STPG2: variants seen among roughly 807,000 people sequenced by gnomAD.
STPG2 encodes the protein sperm tail PG-rich repeat containing 2, also known as sperm-tail PG-rich repeat-containing protein 2.
In STPG2, 56 loss-of-function variants were observed where a neutral mutation model predicts 54.2. The observed-to-expected ratio is 1.03, with a 90% CI of 0.83 to 1.29. The LOEUF (loss-of-function observed/expected upper bound fraction) is 1.29, where lower values mean the gene tolerates loss of function less well. STPG2 is among the 50% of genes most tolerant of loss of function. The pLI is 0.00. For synonymous variants in STPG2, 200 were observed against 181.8 expected (o/e 1.10, Z -0.81); for missense variants, 596 against 544.9 (o/e 1.09, Z -0.93).
intron 9 of STPG2, among the ~76,000 whole-genome samples, chr4:97,763,819 T>C (rs984524330): frequency 1.3e-5 from 2 of 152,178 alleles, no homozygotes; most frequent in African/African-American, 4.8e-5. Flanking sequence ...ATATTTCTAT[T>C]GATTTTTCTT....
chr4:97,725,861 C>G (rs185633534), intron 9 of STPG2, among the ~76,000 whole-genome samples: 1 of 151,694 alleles, frequency 6.6e-6, no homozygotes, highest in East Asian at 1.9e-4. Context: ...AACTGTAGAA[C>G]ATTAAGAAGT....
At chr4:97,963,001 A>C (rs894010972) in intron 7 of STPG2, among the ~76,000 whole-genome samples, 4 of 152,128 alleles carry the variant, frequency 2.6e-5, no homozygotes, top group African/African-American at 9.7e-5. Context: ...TCTACTAAAA[A>C]TACAAAAATT....
chr4:97,630,742 C>T (rs894552495), intron 10 of STPG2, among the ~76,000 whole-genome samples: 1 of 151,314 alleles, frequency 6.6e-6, no homozygotes, highest in African/African-American at 2.4e-5. Context: ...ACAGAGTGCT[C>T]TATTAAAGGA....
At chr4:97,477,262 T>C (rs1730094658) in intron 4 of STPG2, among the ~76,000 whole-genome samples, 1 of 152,344 alleles carries the variant, frequency 6.6e-6, no homozygotes, top group Middle Eastern at 3.4e-3. Context: ...ATTTGTTCTC[T>C]GACACAGGGG....
At chr4:98,066,392 C>A (rs1737836305) in intron 5 of STPG2, among the ~76,000 whole-genome samples, 1 of 152,034 alleles carries the variant, frequency 6.6e-6, no homozygotes, top group Non-Finnish European at 1.5e-5. Context: ...AGTTTGATAC[C>A]AGCCTGGCCA....
chr4:97,600,735 GA>G (rs1287704817), intron 10 of STPG2, among the ~76,000 whole-genome samples: 1 of 152,086 alleles, frequency 6.6e-6, no homozygotes, highest in African/African-American at 2.4e-5. Context: ...CATAGTGGGG[GA>G]AAGTTCAAAA....
chr4:98,039,683 CAT>C (rs774777593), intron 5 of STPG2, among the ~76,000 whole-genome samples: 17 of 101,958 alleles, frequency 1.7e-4, no homozygotes, highest in Admixed American at 6.2e-4. Context: ...ATATGTGATA[CAT>C]ATATATATAT....
intron 10 of STPG2, among the ~76,000 whole-genome samples, chr4:97,576,564 C>T (rs528203717): frequency 2.6e-5 from 4 of 152,052 alleles, no homozygotes; most frequent in East Asian, 3.9e-4. Context: ...AGAATGAAAT[C>T]GACCTCTACA....
intron 10 of STPG2, among the ~76,000 whole-genome samples, chr4:97,679,634 G>A (rs1463744248): frequency 6.6e-6 from 1 of 152,158 alleles, no homozygotes; most frequent in East Asian, 1.9e-4. Flanking sequence ...AGTTTAACGA[G>A]ATCCCATTTG....
intron 10 of STPG2, among the ~76,000 whole-genome samples, chr4:97,643,357 A>G (rs1005613305): frequency 2.0e-5 from 3 of 151,680 alleles, no homozygotes; most frequent in Non-Finnish European, 4.4e-5. Context: ...GCATTTAGGC[A>G]TTAATAACTT....
intron 5 of STPG2, among the ~76,000 whole-genome samples, chr4:98,099,424 A>T (rs1282304282): frequency 6.6e-6 from 1 of 152,186 alleles, no homozygotes; most frequent in Non-Finnish European, 1.5e-5. Flanking sequence ...AAGCAACTGA[A>T]CTCACATAGA....
chr4:97,907,422 T>C (rs867896983), intron 8 of STPG2, among the ~76,000 whole-genome samples: 8 of 152,178 alleles, frequency 5.3e-5, no homozygotes, highest in Non-Finnish European at 1.0e-4. Context: ...GAATCAATAT[T>C]GTGAAAATGG....
chr4:97,461,641 A>G (rs1007686828), intron 4 of STPG2, among the ~76,000 whole-genome samples: 1 of 152,238 alleles, frequency 6.6e-6, no homozygotes, highest in Non-Finnish European at 1.5e-5. Flanking sequence ...AGTCTATGGT[A>G]TTCTGTTACA....
chr4:97,566,020 C>T (rs1732425942), intron 10 of STPG2, among the ~76,000 whole-genome samples: 1 of 152,208 alleles, frequency 6.6e-6, no homozygotes, highest in African/African-American at 2.4e-5. Flanking sequence ...TTTTGTTTGT[C>T]TGTGCCCTGA....
intron 10 of STPG2, among the ~76,000 whole-genome samples, chr4:97,627,830 C>A (rs1299274626): frequency 1.3e-5 from 2 of 151,036 alleles, no homozygotes; most frequent in Non-Finnish European, 2.9e-5. Flanking sequence ...CATGGAAACC[C>A]AGGAAACTGG....
intron 5 of STPG2, among the ~76,000 whole-genome samples, chr4:98,001,104 T>A (rs1735400745): frequency 6.6e-6 from 1 of 152,158 alleles, no homozygotes. Flanking sequence ...TCACCACTGG[T>A]ATTAGTAATT....
At chr4:98,033,384 A>T (rs28770890) in intron 5 of STPG2, among the ~76,000 whole-genome samples, 59,551 of 151,398 alleles carry the variant, frequency 0.39, 11,864 homozygotes, top group Middle Eastern at 0.46. Context: ...GACACATACA[A>T]CCCCCAAGAC....
In STPG2 at chr4:97,750,567, G is replaced by A. The variant is rs552209056; in HGVS notation, c.1205-37753C>T. Among the ~76,000 whole-genome samples, 202 of 151,830 alleles carry A rather than the reference G, an allele frequency of 1.3e-3. 2 individuals are homozygous for A. The South Asian group carries it at 0.022, about 17-fold the overall frequency. ...ATGTAACTGATGTTAAGGGAGGAGA[G>A]ATTTCCAAGAAGGACCTGATCAACC... is the stretch of plus-strand genomic sequence containing the variant. On this transcript the variant is annotated intron_variant, in intron 9 of 10. Coordinates refer to ENST00000295268, the MANE Select transcript of STPG2 (RefSeq NM_174952.3).
intron 8 of STPG2, among the ~76,000 whole-genome samples, chr4:97,884,543 T>C (rs1730493687): frequency 6.6e-6 from 1 of 152,134 alleles, no homozygotes; most frequent in Non-Finnish European, 1.5e-5. Flanking sequence ...ATGACCACAC[T>C]TCGCTCTTGC....
Sources: gnomAD v4.1 joint callset for allele counts (sites outside exome capture counted in the v4.1 genomes callset) on GRCh38, gnomAD v4.1.1 for gene constraint, MANE v1.5 for transcripts, NCBI Gene and HGNC (gene_info 2026-07-23, HGNC 2026-07-21) for gene names.